The following PTPRG variants were observed in gnomAD, a reference collection of about 807,000 sequenced individuals.
PTPRG encodes the protein receptor-type tyrosine-protein phosphatase gamma.
Under a neutral mutation model 165.3 loss-of-function variants are expected in PTPRG, and 102 were observed. The ratio of observed to expected loss-of-function variants is 0.62; its 90% confidence interval spans 0.53 to 0.73. The LOEUF (loss-of-function observed/expected upper bound fraction) is 0.73. Ranked by LOEUF, PTPRG falls within the 30% of genes least tolerant of loss-of-function variation. PTPRG has a pLI of 0.00. For synonymous variants in PTPRG, 675 were observed against 669.5 expected (o/e 1.01, Z -0.13); for missense variants, 1,866 against 1,861.4 (o/e 1.00, Z -0.05).
rs149546948 is a variant in PTPRG, at chr3:62,004,697, G to A, written c.519+1200G>A. On this transcript the variant is annotated intron_variant, in intron 4 of 29. Transcript: ENST00000474889. Reference sequence around the variant, plus strand: ...TGCAGCGAGCAGCCGGACCTAGACCGAACCCCTGGTGTTTCAGTAACAGTT... The same window carrying A: ...TGCAGCGAGCAGCCGGACCTAGACCAAACCCCTGGTGTTTCAGTAACAGTT... Among the ~76,000 whole-genome samples, 248 of 152,294 alleles carry A rather than the reference G, an allele frequency of 1.6e-3. 2 individuals carry two copies. The highest frequency in any genetic ancestry group is 5.8e-3 in the African/African-American group (243 of 41,560).
intron 1 of PTPRG, among the ~76,000 whole-genome samples, chr3:61,713,080 T>A (rs2031640709): frequency 6.6e-6 from 1 of 152,180 alleles, no homozygotes; most frequent in Admixed American, 6.5e-5. Context: ...CATTTTTTCC[T>A]AGTTTCTCCT....
intron 1 of PTPRG, among the ~76,000 whole-genome samples, chr3:61,606,300 AC>A (rs1701004601): frequency 6.6e-6 from 1 of 152,162 alleles, no homozygotes; most frequent in African/African-American, 2.4e-5. Flanking sequence ...GGCTGTCTCC[AC>A]AATGTGGATG....
intron 2 of PTPRG, among the ~76,000 whole-genome samples, chr3:61,839,532 T>A (rs1355071814): frequency 6.6e-6 from 1 of 152,164 alleles, no homozygotes; most frequent in Non-Finnish European, 1.5e-5. Context: ...CTTAAAACAT[T>A]TTAAACTAAC....
chr3:62,138,328 C>T (rs544190383), intron 6 of PTPRG, among the ~76,000 whole-genome samples: 2 of 152,194 alleles, frequency 1.3e-5, no homozygotes, highest in African/African-American at 4.8e-5. Context: ...GAATGCATTC[C>T]CACATCATTG....
chr3:61,815,998 C>T (rs1288666320), intron 2 of PTPRG, among the ~76,000 whole-genome samples: 1 of 152,164 alleles, frequency 6.6e-6, no homozygotes, highest in African/African-American at 2.4e-5. Flanking sequence ...AAGTGAAGAT[C>T]TCTTGATAGC....
intron 4 of PTPRG, among the ~76,000 whole-genome samples, chr3:62,009,942 A>G (rs1393279810): frequency 6.6e-6 from 1 of 151,956 alleles, no homozygotes; most frequent in African/African-American, 2.4e-5. Flanking sequence ...ATGAATGACA[A>G]GGTCTTACTG....
At chr3:62,021,527 A>G (rs1025032160) in intron 4 of PTPRG, among the ~76,000 whole-genome samples, 11 of 152,192 alleles carry the variant, frequency 7.2e-5, no homozygotes, top group African/African-American at 2.4e-4. Context: ...AATACAATAC[A>G]TTGTCTCGGC....
At chr3:61,891,896 GTTTTC>G (rs979748703) in intron 2 of PTPRG, among the ~76,000 whole-genome samples, 11 of 150,090 alleles carry the variant, frequency 7.3e-5, no homozygotes, top group African/African-American at 1.5e-4. Flanking sequence ...ATTTCACTAA[GTTTTC>G]TTTTCTTTTT....
chr3:62,277,605 A>G lies in PTPRG; in HGVS notation c.3691A>G (p.Thr1231Ala). The change falls in exon 26 of 30, where the codon ACG becomes GCG. Residue 1231 changes from threonine to alanine, a missense_variant. By Grantham distance (58) the Thr-to-Ala change is moderately conservative (BLOSUM62 0). Around this residue, in one of 3 missense-constraint regions of PTPRG, gnomAD observed 1,452 missense variants for 1,463.0 expected, o/e 0.99. Transcript: ENST00000474889. ...IITQHPLPHTTKDFWRMIWDH... is the reference protein window; with the variant it reads ...IITQHPLPHTAKDFWRMIWDH... ...AACTCAGCATCCTCTGCCACATACT[A>G]CGAAAGATTTCTGGCGAATGATTTG... is the stretch of plus-strand genomic sequence containing the variant. 1 of 1,612,702 alleles carries G rather than the reference A, an allele frequency of 6.2e-7. No homozygotes were observed. The highest frequency in any genetic ancestry group is 1.1e-5 in the South Asian group (1 of 91,058).
At chr3:61,754,511 A>C (rs971704226) in intron 2 of PTPRG, among the ~76,000 whole-genome samples, 2 of 152,164 alleles carry the variant, frequency 1.3e-5, no homozygotes, top group Non-Finnish European at 2.9e-5. Context: ...ATTGCTTATA[A>C]TTCCTTGTTT....
At chr3:61,612,824 T>TA (rs1285118380) in intron 1 of PTPRG, among the ~76,000 whole-genome samples, 2 of 151,524 alleles carry the variant, frequency 1.3e-5, no homozygotes, top group African/African-American at 4.9e-5. Context: ...GGGATCCTAT[T>TA]ACTCGTTCTG....
rs781719209 is a variant in PTPRG, at chr3:62,157,271, A to G, written c.840+47A>G. 7.6e-6 allele frequency: 12 copies of G among 1,586,582 alleles called. No individual in the cohort carries two copies. The Admixed American group carries it at 1.0e-4, about 13-fold the overall frequency. On this transcript the variant is annotated intron_variant, in intron 7 of 29. Transcript: ENST00000474889. ...GGGTTTCTGTGTTTACTTGTTTTGT[A>G]TTGACTTAACGATCCAGCATGGCTA...
intron 1 of PTPRG, among the ~76,000 whole-genome samples, chr3:61,615,223 CT>C (rs1439658686): frequency 6.6e-6 from 1 of 152,182 alleles, no homozygotes; most frequent in African/African-American, 2.4e-5. Flanking sequence ...CAAATATGCC[CT>C]AATTGTCCCA....
At chr3:61,885,180 A>G (rs2037993033) in intron 2 of PTPRG, among the ~76,000 whole-genome samples, 1 of 116,962 alleles carries the variant, frequency 8.5e-6, no homozygotes, top group Non-Finnish European at 1.6e-5. Flanking sequence ...TGTAAATTTC[A>G]TAGATCATAT....
chr3:61,691,619 C>T (rs966032642), intron 1 of PTPRG, among the ~76,000 whole-genome samples: 3 of 152,108 alleles, frequency 2.0e-5, no homozygotes, highest in Non-Finnish European at 4.4e-5. Context: ...GTGACCATTG[C>T]GTTTTGTGTA....
intron 2 of PTPRG, among the ~76,000 whole-genome samples, chr3:61,830,733 C>T (rs2036263018): frequency 6.6e-6 from 1 of 152,018 alleles, no homozygotes; most frequent in Non-Finnish European, 1.5e-5. Flanking sequence ...CGCCACCACA[C>T]CTGGCTAATT....
chr3:61,822,133 T>C (rs574510370), intron 2 of PTPRG, among the ~76,000 whole-genome samples: 1 of 152,356 alleles, frequency 6.6e-6, no homozygotes, highest in Admixed American at 6.5e-5. Flanking sequence ...ATGAGTTTGC[T>C]CAGTGAGTTT....
At chr3:61,877,772 TC>T (rs2037783646) in intron 2 of PTPRG, among the ~76,000 whole-genome samples, 1 of 152,234 alleles carries the variant, frequency 6.6e-6, no homozygotes, top group Non-Finnish European at 1.5e-5. Context: ...AAAAGTCTTC[TC>T]TTTGCTTCCA....
intron 1 of PTPRG, among the ~76,000 whole-genome samples, chr3:61,677,224 G>A (rs1703264368): frequency 7.2e-6 from 1 of 138,878 alleles, no homozygotes; most frequent in African/African-American, 2.8e-5. Flanking sequence ...CAGCGTGGGT[G>A]ACAGAGCGAG....
Sources: allele counts gnomAD v4.1 joint callset (sites outside exome capture counted in the v4.1 genomes callset), GRCh38; gene constraint gnomAD v4.1.1; regional missense constraint gnomAD v4.1.1; transcripts MANE v1.5; gene names NCBI Gene and HGNC (gene_info 2026-07-23, HGNC 2026-07-21).